DNER: variants seen among roughly 807,000 people sequenced by gnomAD.
DNER encodes the protein delta and Notch-like epidermal growth factor-related receptor.
In DNER, 33 loss-of-function variants were observed where a neutral mutation model predicts 78.2. That is an observed-to-expected ratio of 0.42 (90% CI 0.32 to 0.56). DNER has a LOEUF of 0.56. DNER is among the 20% of genes least tolerant of loss of function. The pLI, the probability that DNER is intolerant of heterozygous loss-of-function variation, is 0.11. For synonymous variants in DNER, 417 were observed against 384.8 expected, an observed-to-expected ratio of 1.08 and a Z score of -0.98; for missense variants, 918 against 975.3, an observed-to-expected ratio of 0.94 and a Z score of 0.78.
chr2:229,551,509 C>T (rs1696735751), intron 4 of DNER, among the ~76,000 whole-genome samples: 1 of 152,084 alleles, frequency 6.6e-6, no homozygotes, highest in Non-Finnish European at 1.5e-5. Context: ...TGGTGAGCAC[C>T]TGTAATCCCA....
intron 6 of DNER, among the ~76,000 whole-genome samples, chr2:229,495,915 TG>T (rs1384157027): frequency 1.3e-5 from 2 of 152,220 alleles, no homozygotes; most frequent in Admixed American, 6.5e-5. Flanking sequence ...CAGTATCACC[TG>T]GTGGGAGGTT....
At chr2:229,405,953 G>A (rs532168707) in intron 10 of DNER, among the ~76,000 whole-genome samples, 35 of 152,266 alleles carry the variant, frequency 2.3e-4, no homozygotes, top group African/African-American at 7.5e-4. Flanking sequence ...AAATGTCTGC[G>A]TGTGTTTATA....
intron 1 of DNER, among the ~76,000 whole-genome samples, chr2:229,668,556 A>G (rs200159071): frequency 0.016 from 1,957 of 120,014 alleles, 57 homozygotes; most frequent in Middle Eastern, 0.032. Flanking sequence ...ATATATATAT[A>G]TATATATATA....
intron 9 of DNER, among the ~76,000 whole-genome samples, chr2:229,415,314 G>T (rs1693622611): frequency 6.6e-6 from 1 of 152,176 alleles, no homozygotes; most frequent in African/African-American, 2.4e-5. Context: ...CTTGGAAGCT[G>T]ATTTCTCACT....
At chr2:229,608,344 T>C (rs1048162142) in intron 1 of DNER, among the ~76,000 whole-genome samples, 1 of 152,158 alleles carries the variant, frequency 6.6e-6, no homozygotes, top group African/African-American at 2.4e-5. Context: ...CACAGTTGAG[T>C]AGTTGCAACA....
rs572968628 is a variant in DNER, at chr2:229,455,720, G to T, written c.1262-8180C>A. On this transcript the variant is annotated intron_variant, in intron 7 of 12. Transcript: ENST00000341772. Reference sequence around the variant, plus strand: ...CCTGAGAACATCTCTGTACAGGCTCGAAAGGACAATCTGCTGAAGTTGTGT... The same window carrying T: ...CCTGAGAACATCTCTGTACAGGCTCTAAAGGACAATCTGCTGAAGTTGTGT... 1.1e-4 allele frequency among the ~76,000 whole-genome samples: 17 copies of T among 152,210 alleles called. No individual in the cohort carries two copies. In the South Asian group the frequency reaches 2.7e-3, roughly 24 times the overall value.
rs113052263 is a variant in DNER at position 229,424,397 on chromosome 2, G to A, written c.1487-6167C>T. Reference sequence around the variant, plus strand: ...CTTCTTTCCCATGTTGCCTCCAAACGCATTGTCTAGTATGTTAGTTTATTA... The same window carrying A: ...CTTCTTTCCCATGTTGCCTCCAAACACATTGTCTAGTATGTTAGTTTATTA... On this transcript the variant is annotated intron_variant, in intron 8 of 12. Transcript: ENST00000341772. Among the ~76,000 whole-genome samples, 949 of 152,266 alleles carry A rather than the reference G, an allele frequency of 6.2e-3. 16 individuals carry two copies. The highest frequency in any genetic ancestry group is 0.021 in the African/African-American group (879 of 41,542).
intron 1 of DNER, among the ~76,000 whole-genome samples, chr2:229,627,306 A>G (rs1698361781): frequency 6.6e-6 from 1 of 152,240 alleles, no homozygotes; most frequent in African/African-American, 2.4e-5. Context: ...TATTTTATAA[A>G]TATAACTAGT....
chr2:229,531,427 T>C (rs1030425028), intron 5 of DNER, among the ~76,000 whole-genome samples: 4 of 152,274 alleles, frequency 2.6e-5, no homozygotes, highest in East Asian at 3.9e-4. Context: ...CATAGCATCA[T>C]TGATCATTAG....
chr2:229,407,506 T>C (rs1693414732), intron 9 of DNER, among the ~76,000 whole-genome samples, 161 bp from the exon 10 acceptor site: 1 of 152,216 alleles, frequency 6.6e-6, no homozygotes, highest in South Asian at 2.1e-4. Context: ...TGATTTTAGA[T>C]TGTTGTAAAA....
At chr2:229,568,565 G>T (rs1697155621) in intron 4 of DNER, among the ~76,000 whole-genome samples, 1 of 152,136 alleles carries the variant, frequency 6.6e-6, no homozygotes, top group Non-Finnish European at 1.5e-5. Context: ...CAATTGCTTT[G>T]TAGTCATGGA....
intron 4 of DNER, among the ~76,000 whole-genome samples, chr2:229,567,990 G>A (rs1396243509): frequency 2.6e-5 from 4 of 152,148 alleles, no homozygotes; most frequent in Non-Finnish European, 4.4e-5. Flanking sequence ...CCCAATCTGA[G>A]TGTGAACAGA....
At chr2:229,512,544 G>A (rs989607464) in intron 6 of DNER, among the ~76,000 whole-genome samples, 3 of 152,056 alleles carry the variant, frequency 2.0e-5, no homozygotes, top group Non-Finnish European at 4.4e-5. Context: ...TGAATGACAC[G>A]ATGAACTTTG....
intron 5 of DNER, among the ~76,000 whole-genome samples, chr2:229,521,294 G>A (rs1696092356): frequency 6.6e-6 from 1 of 152,224 alleles, no homozygotes; most frequent in African/African-American, 2.4e-5. Flanking sequence ...GTGGGAGGAA[G>A]ACAGTGTGTC....
chr2:229,421,628 AATATAT>A (rs55973585), intron 8 of DNER, among the ~76,000 whole-genome samples: 4 of 133,240 alleles, frequency 3.0e-5, no homozygotes, highest in African/African-American at 1.1e-4. Context: ...TACAACATGA[AATATAT>A]ATATATATAT....
intron 1 of DNER, among the ~76,000 whole-genome samples, chr2:229,681,426 A>C (rs7574520): frequency 0.98 from 148,819 of 152,236 alleles, 72,838 homozygotes; most frequent in South Asian, 1. Context: ...CTCCCAGGTA[A>C]CCATCTACTT....
At chr2:229,657,682 G>C (rs1861612) in intron 1 of DNER, among the ~76,000 whole-genome samples, 1 of 151,948 alleles carries the variant, frequency 6.6e-6, no homozygotes, top group Non-Finnish European at 1.5e-5. Context: ...TAAGCAACTC[G>C]TTATTTTTGG....
At chr2:229,618,557 G>A (rs889404948) in intron 1 of DNER, among the ~76,000 whole-genome samples, 1 of 152,148 alleles carries the variant, frequency 6.6e-6, no homozygotes, top group Non-Finnish European at 1.5e-5. Context: ...TCGCAAAGCT[G>A]GTGCCCCGGA....
chr2:229,571,137 G>A (rs990090606), intron 4 of DNER, among the ~76,000 whole-genome samples: 2 of 152,126 alleles, frequency 1.3e-5, no homozygotes, highest in African/African-American at 2.4e-5. Context: ...CGTGAAGGTG[G>A]AGAAATGAGG....
Sources: gnomAD v4.1 joint callset for allele counts (sites outside exome capture counted in the v4.1 genomes callset) on GRCh38, gnomAD v4.1.1 for gene constraint, MANE v1.5 for transcripts, NCBI Gene and HGNC (gene_info 2026-07-23, HGNC 2026-07-21) for gene names.